Variants in PRKAR2B observed in about 807,000 individuals in gnomAD.
PRKAR2B encodes the protein protein kinase cAMP-dependent type II regulatory subunit beta.
A neutral mutation model predicts 49.9 loss-of-function variants in PRKAR2B; 14 were observed. The observed-to-expected ratio is 0.28, with a 90% CI of 0.19 to 0.44. PRKAR2B has a LOEUF of 0.44. PRKAR2B is among the 20% of genes least tolerant of loss of function. The probability of loss-of-function intolerance (pLI) is 1.00; values close to 1 mark genes in which losing one functional copy is unlikely to be tolerated. For synonymous variants in PRKAR2B, 196 were observed against 197.7 expected, an observed-to-expected ratio of 0.99 and a Z score of 0.07; for missense variants, 393 against 537.9, an observed-to-expected ratio of 0.73 and a Z score of 2.67.
intron 2 of PRKAR2B, among the ~76,000 whole-genome samples, chr7:107,104,594 T>C (rs575548941): frequency 6.6e-6 from 1 of 152,324 alleles, no homozygotes; most frequent in East Asian, 1.9e-4. Flanking sequence ...GTCATTCACA[T>C]GTTGTAGGAA....
At chr7:107,141,951 T>G (rs1795796925) in intron 5 of PRKAR2B, among the ~76,000 whole-genome samples, 1 of 152,238 alleles carries the variant, frequency 6.6e-6, no homozygotes, top group Non-Finnish European at 1.5e-5. Context: ...TAGAACAATA[T>G]GCCTTATGCA....
chr7:107,060,530 T>G (rs897165444), intron 1 of PRKAR2B, among the ~76,000 whole-genome samples: 1 of 152,206 alleles, frequency 6.6e-6, no homozygotes, highest in African/African-American at 2.4e-5. Flanking sequence ...GTAGTTTATT[T>G]TCTTTGAAAA....
At chr7:107,117,614 G>T (rs1795300672) in intron 2 of PRKAR2B, among the ~76,000 whole-genome samples, 1 of 152,114 alleles carries the variant, frequency 6.6e-6, no homozygotes, top group South Asian at 2.1e-4. Flanking sequence ...GCGAATATGG[G>T]TCATGTATAC....
intron 2 of PRKAR2B, among the ~76,000 whole-genome samples, chr7:107,116,119 G>A (rs990692801): frequency 4.6e-5 from 7 of 152,160 alleles, no homozygotes; most frequent in Non-Finnish European, 1.0e-4. Context: ...TTATGCCTAA[G>A]GTTAAGGAAG....
At chr7:107,097,957 T>C (rs1426717410) in intron 2 of PRKAR2B, among the ~76,000 whole-genome samples, 1 of 152,222 alleles carries the variant, frequency 6.6e-6, no homozygotes, top group Non-Finnish European at 1.5e-5. Context: ...TTCCTTCATT[T>C]CAACTTTGGT....
At chr7:107,085,868 G>A (rs1794609557) in intron 2 of PRKAR2B, among the ~76,000 whole-genome samples, 1 of 152,120 alleles carries the variant, frequency 6.6e-6, no homozygotes, top group African/African-American at 2.4e-5. Context: ...ACAAATACCT[G>A]CATAGTTTTG....
At chr7:107,125,776 GA>G (rs573355447) in intron 3 of PRKAR2B, among the ~76,000 whole-genome samples, 1 of 151,688 alleles carries the variant, frequency 6.6e-6, no homozygotes. Context: ...GTGGGGCTGA[GA>G]AAAAAAATAC....
intron 2 of PRKAR2B, among the ~76,000 whole-genome samples, chr7:107,076,486 T>C (rs1385223025): frequency 6.6e-6 from 1 of 152,152 alleles, no homozygotes; most frequent in African/African-American, 2.4e-5. Context: ...CATAAGACAG[T>C]TCCCTATACC....
intron 2 of PRKAR2B, among the ~76,000 whole-genome samples, chr7:107,076,790 G>A (rs1006173017): frequency 6.6e-6 from 1 of 152,016 alleles, no homozygotes; most frequent in Non-Finnish European, 1.5e-5. Context: ...TAATTCACAG[G>A]TGAAATTAAT....
At chr7:107,158,303 C>A (rs1049941549) in intron 10 of PRKAR2B, among the ~76,000 whole-genome samples, 2 of 142,534 alleles carry the variant, frequency 1.4e-5, no homozygotes, top group Non-Finnish European at 3.1e-5. Flanking sequence ...AATTTTTTTT[C>A]AATAATAGAT....
At chr7:107,124,259 T>A (rs1795444640) in intron 3 of PRKAR2B, among the ~76,000 whole-genome samples, 1 of 152,182 alleles carries the variant, frequency 6.6e-6, no homozygotes, top group Admixed American at 6.5e-5. Context: ...ATGTAGAAAC[T>A]GGTAGAGAAG....
intron 2 of PRKAR2B, among the ~76,000 whole-genome samples, chr7:107,080,049 A>T (rs949416684): frequency 3.3e-5 from 5 of 152,210 alleles, no homozygotes; most frequent in Non-Finnish European, 7.3e-5. Context: ...ATGGGCTCTC[A>T]AATGGGTTTT....
intron 4 of PRKAR2B, among the ~76,000 whole-genome samples, chr7:107,139,490 T>C (rs756631408): frequency 4.6e-5 from 7 of 152,220 alleles, no homozygotes; most frequent in Non-Finnish European, 8.8e-5. Context: ...TCAACTAATC[T>C]CTGCAGGACT....
intron 4 of PRKAR2B, among the ~76,000 whole-genome samples, chr7:107,132,418 A>T (rs1337267307): frequency 1.3e-5 from 2 of 152,198 alleles, no homozygotes; most frequent in African/African-American, 2.4e-5. Flanking sequence ...TTTGGTGGTA[A>T]TGTCGAAGAT....
At chr7:107,111,662 T>C (rs943054637) in intron 2 of PRKAR2B, among the ~76,000 whole-genome samples, 1 of 152,208 alleles carries the variant, frequency 6.6e-6, no homozygotes, top group African/African-American at 2.4e-5. Flanking sequence ...CAGTAGTATA[T>C]ATGAATATTT....
intron 4 of PRKAR2B, among the ~76,000 whole-genome samples, chr7:107,128,635 G>T (rs988335847): frequency 2.6e-5 from 4 of 152,084 alleles, no homozygotes; most frequent in Non-Finnish European, 5.9e-5. Context: ...TGCCCTCTTC[G>T]TACCCATCAG....
intron 1 of PRKAR2B, among the ~76,000 whole-genome samples, chr7:107,050,540 C>G (rs1194537744): frequency 6.6e-6 from 1 of 151,958 alleles, no homozygotes; most frequent in African/African-American, 2.4e-5. Context: ...CAAATACAAA[C>G]AGGGGACCTA....
intron 1 of PRKAR2B, among the ~76,000 whole-genome samples, chr7:107,057,947 T>C (rs1315043253): frequency 6.6e-6 from 1 of 152,166 alleles, no homozygotes; most frequent in Non-Finnish European, 1.5e-5. Context: ...AAGTAAAGTC[T>C]TTAAATCTTT....
intron 2 of PRKAR2B, among the ~76,000 whole-genome samples, chr7:107,086,388 G>A (rs1252300079): frequency 6.6e-6 from 1 of 152,056 alleles, no homozygotes; most frequent in Non-Finnish European, 1.5e-5. Flanking sequence ...ATACTTAACC[G>A]ATTTCTTAAA....
Sources: allele counts gnomAD v4.1 joint callset (sites outside exome capture counted in the v4.1 genomes callset), GRCh38; gene constraint gnomAD v4.1.1; transcripts MANE v1.5; gene names NCBI Gene and HGNC (gene_info 2026-07-23, HGNC 2026-07-21).